Variants in NKAP observed in about 807,000 individuals in gnomAD.
NKAP encodes NF-kappa-B-activating protein.
NKAP carries 4 observed loss-of-function variants against 35.6 expected under a neutral mutation model. The observed-to-expected ratio is 0.11, with a 90% CI of 0.06 to 0.26. The LOEUF (loss-of-function observed/expected upper bound fraction) is 0.26. Ranked by LOEUF, NKAP falls within the 10% of genes least tolerant of loss-of-function variation. The pLI, the probability that NKAP is intolerant of heterozygous loss-of-function variation, is 1.00. For synonymous variants in NKAP, 106 were observed against 119.2 expected (o/e 0.89, Z 0.72); for missense variants, 238 against 321.9 (o/e 0.74, Z 1.99).
At chrX:119,942,118 T>C (rs771845230) in intron 1 of NKAP, among the ~76,000 whole-genome samples, 2 of 111,544 alleles carry the variant, frequency 1.8e-5, no homozygotes, top group South Asian at 3.7e-4. Context: ...GTTCCAACAG[T>C]TGGGAGATGT....
Position 119,943,594 on chromosome X carries a change from C to A in NKAP, c.12G>T (p.Val4=), listed in dbSNP as rs1386566647. The change falls in exon 1 of 9, where the codon GTG becomes GTT. Residue 4 remains valine (V), a synonymous_variant. Coordinates refer to ENST00000371410, the MANE Select transcript of NKAP (RefSeq NM_024528.4). MAP[V]SGSRSPDREA... ...CCCTATCCGGGCTGCGTGAGCCGGA[C>A]ACCGGAGCCATGGCTACTGGGGGGC... The A allele has an allele frequency of 1.5e-5, 18 of 1,178,656 alleles. No individual in the cohort carries two copies. In the Admixed American group the frequency reaches 3.9e-4, roughly 26 times the overall value.
chrX:119,938,856 T>C (rs2056779048), intron 1 of NKAP, 46 bp from the exon 2 acceptor site: 2 of 912,409 alleles, frequency 2.2e-6, no homozygotes, highest in Non-Finnish European at 3.1e-6. Flanking sequence ...GCTGAGTTGT[T>C]TCCTAAATAT....
At chrX:119,929,830 C>T (rs963945337) in intron 8 of NKAP, among the ~76,000 whole-genome samples, 186 bp downstream of exon 8, 1 of 112,042 alleles carries the variant, frequency 8.9e-6, no homozygotes, top group African/African-American at 3.2e-5. Context: ...GGCTGAGTTG[C>T]ATATATACTT....
In NKAP at chrX:119,921,865, G is replaced by A. The variant is rs143128691; in HGVS notation, c.*3355C>T. 1.1e-3 allele frequency: 127 copies of A among 111,385 alleles called. No homozygotes were observed. Among genetic ancestry groups the A allele is most frequent in the African/African-American group, 3.9e-3 (121 of 30,752 alleles). The allele number at this position is 111,385 out of a possible 1,213,427, so 9.2% of individuals were successfully genotyped here. ...TTTATTTGTTTGTTTATTTAGAGACGGAGTCTCATTCTGTCTCCCAGGCCG... is the reference window on the plus strand; with the variant it reads ...TTTATTTGTTTGTTTATTTAGAGACAGAGTCTCATTCTGTCTCCCAGGCCG... On this transcript the variant is annotated 3_prime_UTR_variant, in exon 9 of 9. Coordinates refer to ENST00000371410, the MANE Select transcript of NKAP (RefSeq NM_024528.4).
At chrX:119,933,609 G>GA (rs774810429) in intron 5 of NKAP, among the ~76,000 whole-genome samples, 1 of 111,555 alleles carries the variant, frequency 9.0e-6, no homozygotes, top group African/African-American at 3.2e-5. Flanking sequence ...ATAAACTACA[G>GA]AAAAAACTGC....
chrX:119,921,349 TTACAAG>T lies in NKAP; in HGVS notation c.*3865_*3870del, dbSNP rs1478421037. Reference sequence around the variant, plus strand: ...ATTACATTATGCTCTGAGTGATTACTTACAAGTACATCAGAATATTTACTTACATAG... The same window carrying T: ...ATTACATTATGCTCTGAGTGATTACTTACATCAGAATATTTACTTACATAG... On this transcript the variant is annotated 3_prime_UTR_variant, in exon 9 of 9. Coordinates refer to ENST00000371410, the MANE Select transcript of NKAP (RefSeq NM_024528.4). 1 of 110,375 alleles carries T rather than the reference TTACAAG, an allele frequency of 9.1e-6. No individual in the cohort carries two copies. The highest frequency in any genetic ancestry group is 1.9e-5 in the Non-Finnish European group (1 of 52,872). The allele number at this position is 110,375 out of a possible 1,213,427, so 9.1% of individuals were successfully genotyped here. A position where few individuals can be genotyped will look rare whatever the true frequency, so the allele number is the denominator to read the frequency against.
intron 8 of NKAP, 108 bp from the exon 9 acceptor site, chrX:119,925,502 T>C: frequency 1.3e-6 from 1 of 749,970 alleles, no homozygotes; most frequent in Non-Finnish European, 1.9e-6. Flanking sequence ...TGACAAAAAT[T>C]GAAATGGGTT....
At chrX:119,932,420 T>TGAACCTG (rs1424445448) in intron 5 of NKAP, 4 of 316,416 alleles carry the variant, frequency 1.3e-5, no homozygotes, top group Non-Finnish European at 1.6e-5. Context: ...TGCTTCTAAC[T>TGAACCTG]GAACCTGGGA....
chrX:119,943,180 C>T, intron 1 of NKAP, 40 bp downstream of exon 1: 1 of 1,147,309 alleles, frequency 8.7e-7, no homozygotes. Flanking sequence ...TCCAAAGGCA[C>T]GTAGGCTCGT....
At chrX:119,941,014 C>T (rs113467947) in intron 1 of NKAP, among the ~76,000 whole-genome samples, 1,620 of 110,147 alleles carry the variant, frequency 0.015, 33 homozygotes, top group African/African-American at 0.051. Flanking sequence ...GTGGTGCATA[C>T]CTGTAATCCC....
At position 119,921,553 on chromosome X, in the gene NKAP, A is replaced by C. The variant is rs1449486580; in HGVS notation, c.*3667T>G. On this transcript the variant is annotated 3_prime_UTR_variant, in exon 9 of 9. Coordinates refer to ENST00000371410, the MANE Select transcript of NKAP (RefSeq NM_024528.4). Reference sequence around the variant, plus strand: ...GATAAGTCTCCTTGGAGAACAAAAAATATATTTAAAATACAATAGCCCTAC... The same window carrying C: ...GATAAGTCTCCTTGGAGAACAAAAACTATATTTAAAATACAATAGCCCTAC... The C allele has an allele frequency of 9.3e-6, 1 of 107,050 alleles. No individual in the cohort carries two copies. Among genetic ancestry groups the C allele is most frequent in the Non-Finnish European group, 1.9e-5 (1 of 52,112 alleles). The allele number at this position is 107,050 out of a possible 1,213,427, so 8.8% of individuals were successfully genotyped here. A position where few individuals can be genotyped will look rare whatever the true frequency, so the allele number is the denominator to read the frequency against.
At chrX:119,936,581 T>C in intron 3 of NKAP, 31 bp downstream of exon 3, 1 of 1,083,955 alleles carries the variant, frequency 9.2e-7, no homozygotes, top group Non-Finnish European at 1.2e-6. Context: ...AAATAGCTTG[T>C]ATTTTAAAAA....
intron 3 of NKAP, 25 bp downstream of exon 3, chrX:119,936,587 A>T (rs1248552521): frequency 3.6e-6 from 4 of 1,114,940 alleles, no homozygotes. Context: ...CTTGTATTTT[A>T]AAAATACCCT....
At chrX:119,943,166 G>A (rs2056801490) in intron 1 of NKAP, 54 bp downstream of exon 1, 2 of 1,130,355 alleles carry the variant, frequency 1.8e-6, no homozygotes, top group Admixed American at 3.0e-5. Flanking sequence ...ATGATAGATC[G>A]GACTCCAAAG....
chrX:119,940,202 G>T (rs957558628), intron 1 of NKAP, among the ~76,000 whole-genome samples: 1 of 109,881 alleles, frequency 9.1e-6, no homozygotes, highest in Non-Finnish European at 1.9e-5. Flanking sequence ...AGCTGGACAC[G>T]GTGGCATGTG....
chrX:119,943,642 G>A lies in NKAP; in HGVS notation c.-37C>T, dbSNP rs772887540. 4.4e-6 allele frequency: 5 copies of A among 1,136,389 alleles called. No homozygotes were observed. The African/African-American group carries it at 9.1e-5, about 21-fold the overall frequency. 93.7% of individuals were successfully genotyped at this position (1,136,389 alleles called of 1,213,427 possible). A position where few individuals can be genotyped will look rare whatever the true frequency, so the allele number is the denominator to read the frequency against. The stretch of plus-strand genomic sequence containing the variant: ...GGCCCCAGCAGCCGTGGGACAAGGG[G>A]GCGCTCTCGCGAGCCTAGGAAGATG... On this transcript the variant is annotated 5_prime_UTR_variant, in exon 1 of 9. Coordinates refer to ENST00000371410, the MANE Select transcript of NKAP (RefSeq NM_024528.4).
chrX:119,941,213 T>C (rs1165030524), intron 1 of NKAP, among the ~76,000 whole-genome samples: 1 of 111,832 alleles, frequency 8.9e-6, no homozygotes, highest in African/African-American at 3.2e-5. Flanking sequence ...ACTTCTGACA[T>C]CTTTTGGTGA....
intron 1 of NKAP, among the ~76,000 whole-genome samples, chrX:119,939,347 C>G (rs2056781365): frequency 8.9e-6 from 1 of 111,841 alleles, no homozygotes; most frequent in African/African-American, 3.2e-5. Flanking sequence ...AGTGCAGTAG[C>G]ACGATCTTGG....
chrX:119,932,259 A>G, intron 5 of NKAP, 43 bp from the exon 6 acceptor site: 1 of 926,974 alleles, frequency 1.1e-6, no homozygotes, highest in South Asian at 2.3e-5. Flanking sequence ...TAATCTTCCT[A>G]TGTTAGAGGG....
Sources: allele counts gnomAD v4.1 joint callset (sites outside exome capture counted in the v4.1 genomes callset), GRCh38; gene constraint gnomAD v4.1.1; transcripts MANE v1.5; gene names NCBI Gene and HGNC (gene_info 2026-07-23, HGNC 2026-07-21).